KIAA0232: variants seen among roughly 807,000 people sequenced by gnomAD.
KIAA0232 encodes KIAA0232, also known as uncharacterized protein KIAA0232.
KIAA0232 carries 27 observed loss-of-function variants against 122.0 expected under a neutral mutation model. The observed-to-expected ratio is 0.22, with a 90% confidence interval of 0.16 to 0.31. The LOEUF is 0.31. Ranked by LOEUF, KIAA0232 falls within the 10% of genes least tolerant of loss-of-function variation. The pLI is 1.00. For synonymous variants in KIAA0232, 613 were observed against 587.6 expected, an observed-to-expected ratio of 1.04 and a Z score of -0.63; for missense variants, 1,551 against 1,634.2, an observed-to-expected ratio of 0.95 and a Z score of 0.88.
chr4:6,829,012 G>A (rs755935950), intron 3 of KIAA0232, among the ~76,000 whole-genome samples: 13 of 151,640 alleles, frequency 8.6e-5, no homozygotes, highest in Non-Finnish European at 1.8e-4. Context: ...TTGAGATTAT[G>A]CATCGACTTT....
chr4:6,826,502 ATTT>A (rs1190007392), intron 3 of KIAA0232, among the ~76,000 whole-genome samples: 2 of 132,494 alleles, frequency 1.5e-5, no homozygotes, highest in African/African-American at 2.8e-5. Flanking sequence ...ATAGGGAATG[ATTT>A]TTTTTTTTTT....
At chr4:6,860,825 CT>C in intron 6 of KIAA0232, 75 bp from the exon 7 acceptor site, 2 of 1,215,208 alleles carry the variant, frequency 1.6e-6, no homozygotes, top group Non-Finnish European at 2.3e-6. Context: ...TTCCATTCTT[CT>C]GGTTGGTAAT....
At chr4:6,807,511 C>T (rs994300861) in intron 2 of KIAA0232, among the ~76,000 whole-genome samples, 4 of 152,160 alleles carry the variant, frequency 2.6e-5, no homozygotes, top group African/African-American at 9.7e-5. Flanking sequence ...AAGCCTTATT[C>T]ATTTCCTGGG....
intron 1 of KIAA0232, among the ~76,000 whole-genome samples, chr4:6,800,101 C>T (rs62289438): frequency 0.22 from 24,608 of 110,782 alleles, 2,727 homozygotes; most frequent in Admixed American, 0.4. Flanking sequence ...TCTGTCGCCC[C>T]GGTTAGAGTG....
chr4:6,828,302 G>A (rs1374655586), intron 3 of KIAA0232, among the ~76,000 whole-genome samples: 1 of 152,140 alleles, frequency 6.6e-6, no homozygotes. Context: ...TGAGCCTGGG[G>A]GGTGGAGGCT....
Position 6,795,253 on chromosome 4 carries a change from T to C in KIAA0232, c.-353-9270T>C, listed in dbSNP as rs191904875. Among the ~76,000 whole-genome samples the C allele has an allele frequency of 4.6e-5, 7 of 152,184 alleles. No homozygotes were observed. In the East Asian group the frequency reaches 1.4e-3, roughly 29 times the overall value. On this transcript the variant is annotated intron_variant, in intron 1 of 9. Transcript: ENST00000307659. ...GCCTAGCTAATTTTTTTGTATTTTT[T>C]AGTAGAGACAGGGTTTCATCGTGCT...
chr4:6,864,869 CT>C (rs1255930156), intron 7 of KIAA0232, among the ~76,000 whole-genome samples: 1 of 151,910 alleles, frequency 6.6e-6, no homozygotes, highest in African/African-American at 2.4e-5. Context: ...GTCTAACTGA[CT>C]CTTAGAAGTT....
chr4:6,858,057 G>A (rs573316237), intron 5 of KIAA0232, among the ~76,000 whole-genome samples: 38 of 152,360 alleles, frequency 2.5e-4, no homozygotes, highest in Admixed American at 5.9e-4. Flanking sequence ...ATGAGTCAAT[G>A]TAAAGTCTAT....
Position 6,851,476 on chromosome 4 carries a change from G to A in KIAA0232, c.370-5688G>A, listed in dbSNP as rs138002255. 3.3e-5 allele frequency among the ~76,000 whole-genome samples: 5 copies of A among 152,244 alleles called. No homozygotes were observed. In the East Asian group the frequency reaches 9.6e-4, roughly 29 times the overall value. On this transcript the variant is annotated intron_variant, in intron 4 of 9. Transcript: ENST00000307659. ...TAATCCCAGCACTTTGAGAAGCTGA[G>A]GCGGGTGGGTTGCTTGAGCCTGGCA...
chr4:6,866,875 C>A (rs1253503590), intron 7 of KIAA0232, among the ~76,000 whole-genome samples: 1 of 152,136 alleles, frequency 6.6e-6, no homozygotes, highest in Non-Finnish European at 1.5e-5. Context: ...TACCATGTTA[C>A]TTATTTTAAC....
chr4:6,828,914 T>C (rs1183606714), intron 3 of KIAA0232, among the ~76,000 whole-genome samples: 1 of 152,158 alleles, frequency 6.6e-6, no homozygotes, highest in African/African-American at 2.4e-5. Context: ...TGAAACTTTA[T>C]TGTCAGATAT....
intron 3 of KIAA0232, among the ~76,000 whole-genome samples, chr4:6,831,215 C>T (rs1718958723): frequency 6.6e-6 from 1 of 152,062 alleles, no homozygotes; most frequent in South Asian, 2.1e-4. Flanking sequence ...GCCACCACGC[C>T]CAGCTAATTT....
chr4:6,794,326 AGCAT>A (rs1717038240), intron 1 of KIAA0232, among the ~76,000 whole-genome samples: 1 of 152,180 alleles, frequency 6.6e-6, no homozygotes, highest in South Asian at 2.1e-4. Flanking sequence ...GCCTGATGGA[AGCAT>A]GGCTTGGTGT....
chr4:6,836,528 CTTTTTTTTTTTTCTTTTCTTTTTTT>C (rs998836153), intron 3 of KIAA0232, among the ~76,000 whole-genome samples: 10 of 95,702 alleles, frequency 1.0e-4, no homozygotes, highest in African/African-American at 2.3e-4. Flanking sequence ...TGTCCTTTTT[CTTTTTTTTTTTTCTTTTCTTTTTTT>C]TTTTTTTAGT....
intron 1 of KIAA0232, among the ~76,000 whole-genome samples, chr4:6,790,056 A>G (rs1055530763): frequency 2.6e-5 from 4 of 152,158 alleles, no homozygotes; most frequent in Non-Finnish European, 4.4e-5. Context: ...GGAAAATAGA[A>G]ATTGTCAAAG....
chr4:6,811,081 C>A (rs540593106), intron 2 of KIAA0232, among the ~76,000 whole-genome samples: 5 of 152,274 alleles, frequency 3.3e-5, no homozygotes, highest in African/African-American at 1.2e-4. Context: ...GCATTCAATT[C>A]AGCATTCCCA....
intron 9 of KIAA0232, among the ~76,000 whole-genome samples, chr4:6,878,535 A>G (rs562053830): frequency 2.6e-5 from 4 of 152,222 alleles, no homozygotes; most frequent in Non-Finnish European, 4.4e-5. Context: ...AATACTCCTC[A>G]AGACAATTAC....
Position 6,846,091 on chromosome 4 carries a change from C to A in KIAA0232, c.369+3887C>A, listed in dbSNP as rs544677585. Among the ~76,000 whole-genome samples the A allele has an allele frequency of 1.1e-3, 75 of 68,810 alleles. 1 individual carries two copies. In the South Asian group the frequency reaches 0.025, roughly 23 times the overall value. The allele number at this position is 68,810 out of a possible 152,430, so 45.1% of individuals were successfully genotyped here. On this transcript the variant is annotated intron_variant, in intron 4 of 9. Coordinates refer to ENST00000307659, the MANE Select transcript of KIAA0232 (RefSeq NM_014743.3). ...TGTACTTGTATTGCTCTTTCCTTCT[C>A]ATTTTATTTAAAAAAAAAAAGATTG...
intron 1 of KIAA0232, among the ~76,000 whole-genome samples, chr4:6,804,267 A>G (rs954613054): frequency 3.9e-5 from 6 of 152,162 alleles, no homozygotes; most frequent in African/African-American, 7.2e-5. Context: ...TCCCTCCACC[A>G]GCCCCTGGAG....
Sources: allele counts gnomAD v4.1 joint callset (sites outside exome capture counted in the v4.1 genomes callset), GRCh38; gene constraint gnomAD v4.1.1; transcripts MANE v1.5; gene names NCBI Gene and HGNC (gene_info 2026-07-23, HGNC 2026-07-21).